Variants in RTCA observed in about 807,000 individuals in gnomAD.
RTCA encodes the protein RNA 3'-terminal phosphate cyclase.
RTCA carries 37 observed loss-of-function variants against 46.1 expected under a neutral mutation model. That is an observed-to-expected ratio of 0.80 (90% CI 0.62 to 1.06). RTCA has a LOEUF of 1.06. Ranked by LOEUF, RTCA falls within the 50% of genes least tolerant of loss-of-function variation. The pLI is 0.00. For synonymous variants in RTCA, 164 were observed against 158.3 expected (o/e 1.04, Z -0.27); for missense variants, 435 against 455.5 (o/e 0.95, Z 0.41).
At position 100,275,679 on chromosome 1, in the gene RTCA, T is replaced by C; in HGVS notation, c.696T>C (p.Val232=). The C allele has an allele frequency of 6.2e-7, 1 of 1,612,396 alleles. No individual in the cohort carries two copies. Residue 232 remains valine (V), a synonymous_variant, in exon 7 of 11, where the codon GTT becomes GTC. Transcript: ENST00000370128. ...ATTTGTATGTTAACATCCAGCCTGT[T>C]CAAGAACCTAAAGACCAAGCATTTG... The part of the protein sequence containing the change: ...IRDLYVNIQP[V]QEPKDQAFGN...
chr1:100,276,853 A>G (rs1223697139), intron 7 of RTCA, among the ~76,000 whole-genome samples: 2 of 152,228 alleles, frequency 1.3e-5, no homozygotes, highest in Non-Finnish European at 2.9e-5. Context: ...CGCTTGCTCT[A>G]CTTATGATAA....
chr1:100,275,498 G>A, intron 6 of RTCA, 101 bp from the exon 7 acceptor site: 3 of 836,380 alleles, frequency 3.6e-6, no homozygotes, highest in Non-Finnish European at 5.3e-6. Flanking sequence ...AATAATGCAT[G>A]TAAAAGCTAC....
chr1:100,285,268 G>A lies in RTCA; in HGVS notation c.840G>A (p.Met280Ile), dbSNP rs755712674. ...AAGTTGGAATTGAAGCTGCCGAAAT[G>A]CTATTAGCAAATCTTAGACATGGTG... ...ADKVGIEAAE[M>I]LLANLRHGGT... is the part of the protein sequence containing the mutation. The change falls in exon 9 of 11, where the codon ATG (methionine) becomes ATA (isoleucine). Residue 280 changes from methionine to isoleucine, a missense_variant. Physicochemically the swap from Met to Ile is conservative, Grantham distance 10. Coordinates refer to ENST00000370128, the MANE Select transcript of RTCA (RefSeq NM_003729.4). The A allele has an allele frequency of 3.1e-6, 5 of 1,613,596 alleles. No homozygotes were observed. In the African/African-American group the frequency reaches 6.7e-5, roughly 22 times the overall value.
chr1:100,288,532 C>T (rs997249489), intron 10 of RTCA, among the ~76,000 whole-genome samples: 2 of 151,856 alleles, frequency 1.3e-5, no homozygotes, highest in African/African-American at 2.4e-5. Context: ...GCTGGGGCTA[C>T]GGGAGTGTGC....
chr1:100,289,802 C>G (rs1250473819), intron 10 of RTCA, among the ~76,000 whole-genome samples: 1 of 151,976 alleles, frequency 6.6e-6, no homozygotes, highest in Non-Finnish European at 1.5e-5. Context: ...AACTGGGTGA[C>G]TTGGGGCAAG....
chr1:100,267,665 T>TA (rs397742472), intron 2 of RTCA: 5 of 1,029,396 alleles, frequency 4.9e-6, no homozygotes, highest in Admixed American at 7.0e-5. Context: ...TTTTTTTTTT[T>TA]ATAAGGACAC....
intron 8 of RTCA, among the ~76,000 whole-genome samples, chr1:100,279,306 G>C (rs1422506739): frequency 6.6e-6 from 1 of 152,130 alleles, no homozygotes; most frequent in Non-Finnish European, 1.5e-5. Context: ...TTCTATGATA[G>C]TGGTATCCCC....
In RTCA at chr1:100,275,733, T is replaced by A; in HGVS notation, c.740+10T>A. 2.5e-6 allele frequency: 4 copies of A among 1,600,518 alleles called. No homozygotes were observed. The South Asian group carries it at 4.6e-5, about 18-fold the overall frequency. On this transcript the variant is annotated intron_variant, in intron 7 of 10. Transcript: ENST00000370128. The stretch of plus-strand genomic sequence containing the variant: ...ATGGAAATGGAATAATGTGAGACAA[T>A]ACTTTTTCCTACACATTAGTTGAGA...
At chr1:100,283,742 C>T (rs1666851614) in intron 8 of RTCA, among the ~76,000 whole-genome samples, 1 of 151,166 alleles carries the variant, frequency 6.6e-6, no homozygotes, top group Non-Finnish European at 1.5e-5. Context: ...AATACTTGGC[C>T]AATTGATAAT....
Position 100,266,526 on chromosome 1 carries a change from C to A in RTCA, c.48C>A (p.Gly16=). The A allele has an allele frequency of 6.2e-7, 1 of 1,612,874 alleles. No individual in the cohort carries two copies. The highest frequency in any genetic ancestry group is 8.5e-7 in the Non-Finnish European group (1 of 1,178,978). ...VEVDGSIMEG[G]GQILRVSTAL... is the part of the protein sequence containing the mutation. ...TCCCTGTACCCCAACCTTTGCAGGG[C>A]GGCCAGATCCTGAGAGTCTCTACGG... The change falls in exon 2 of 11, where the codon GGC becomes GGA. Residue 16 remains glycine, a splice_region_variant and synonymous_variant. Transcript: ENST00000370128.
At chr1:100,276,910 C>T (rs540184054) in intron 7 of RTCA, among the ~76,000 whole-genome samples, 65 of 152,256 alleles carry the variant, frequency 4.3e-4, no homozygotes, top group African/African-American at 1.4e-3. Flanking sequence ...TGCATAACGA[C>T]CTTTTTATTT....
At chr1:100,274,466 G>A (rs1666264136) in intron 5 of RTCA, among the ~76,000 whole-genome samples, 1 of 152,160 alleles carries the variant, frequency 6.6e-6, no homozygotes, top group Non-Finnish European at 1.5e-5. Context: ...CAATAGCCCT[G>A]TCAAATAGAA....
chr1:100,282,685 G>A (rs1338783088), intron 8 of RTCA, among the ~76,000 whole-genome samples: 1 of 151,094 alleles, frequency 6.6e-6, no homozygotes, highest in African/African-American at 2.4e-5. Flanking sequence ...AAAATCAGAA[G>A]CTTTTCAAGT....
At chr1:100,281,152 T>A in intron 8 of RTCA, 1 of 519,570 alleles carries the variant, frequency 1.9e-6, no homozygotes, top group Non-Finnish European at 3.9e-6. Flanking sequence ...TTGTCTCAGT[T>A]ACTATAACCA....
chr1:100,275,742 C>T lies in RTCA; in HGVS notation c.740+19C>T, dbSNP rs765853483. ...GAATAATGTGAGACAATACTTTTTC[C>T]TACACATTAGTTGAGAACCCTAAAA... On this transcript the variant is annotated intron_variant, in intron 7 of 10. Coordinates refer to ENST00000370128, the MANE Select transcript of RTCA (RefSeq NM_003729.4). The T allele has an allele frequency of 6.3e-7, 1 of 1,596,270 alleles. No individual in the cohort carries two copies. The highest frequency in any genetic ancestry group is 2.3e-5 in the East Asian group (1 of 44,312).
chr1:100,273,516 G>A, intron 5 of RTCA, 64 bp downstream of exon 5: 1 of 992,008 alleles, frequency 1.0e-6, no homozygotes, highest in Non-Finnish European at 1.5e-6. Flanking sequence ...GGAAAAGTTA[G>A]ACCCTTAGAG....
intron 10 of RTCA, among the ~76,000 whole-genome samples, chr1:100,288,891 T>G (rs1667174048): frequency 6.6e-6 from 1 of 151,990 alleles, no homozygotes; most frequent in South Asian, 2.1e-4. Flanking sequence ...GGCACAGTCT[T>G]GGCTCACAGC....
chr1:100,276,089 C>T (rs1666359342), intron 7 of RTCA, among the ~76,000 whole-genome samples: 1 of 152,064 alleles, frequency 6.6e-6, no homozygotes, highest in South Asian at 2.1e-4. Flanking sequence ...CCTGCCTTGG[C>T]CTCCCAAAGT....
intron 10 of RTCA, among the ~76,000 whole-genome samples, chr1:100,290,792 A>C (rs1177577037): frequency 6.6e-6 from 1 of 152,150 alleles, no homozygotes; most frequent in Non-Finnish European, 1.5e-5. Context: ...CAAAAGCAAA[A>C]TACAATGATA....
Sources: gnomAD v4.1 joint callset for allele counts (sites outside exome capture counted in the v4.1 genomes callset) on GRCh38, gnomAD v4.1.1 for gene constraint, MANE v1.5 for transcripts, NCBI Gene and HGNC (gene_info 2026-07-23, HGNC 2026-07-21) for gene names.